ATG13: variants seen among roughly 807,000 people sequenced by gnomAD.
ATG13 encodes autophagy-related protein 13.
Under a neutral mutation model 65.5 loss-of-function variants are expected in ATG13, and 23 were observed. The observed-to-expected ratio is 0.35, with a 90% CI of 0.25 to 0.50. ATG13 has a LOEUF of 0.50. ATG13 is among the 20% of genes least tolerant of loss of function. The pLI is 0.98. For missense variants in ATG13, 566 were observed against 677.0 expected (o/e 0.84, Z 1.82); for synonymous variants, 252 against 245.2 (o/e 1.03, Z -0.26).
At chr11:46,620,501 C>T (rs1405408588) in intron 1 of ATG13, among the ~76,000 whole-genome samples, 2 of 151,826 alleles carry the variant, frequency 1.3e-5, no homozygotes, top group Admixed American at 1.3e-4. Flanking sequence ...TTGGGCTGGG[C>T]GCGGTTGCTC....
intron 2 of ATG13, among the ~76,000 whole-genome samples, chr11:46,642,304 G>GT (rs200225497): frequency 0.55 from 57,852 of 106,002 alleles, 17,009 homozygotes; most frequent in East Asian, 0.68. Flanking sequence ...ATTTTTGTGG[G>GT]TTTTTTTTTT....
intron 15 of ATG13, among the ~76,000 whole-genome samples, chr11:46,668,291 A>G (rs987887929): frequency 6.6e-6 from 1 of 152,226 alleles, no homozygotes; most frequent in Non-Finnish European, 1.5e-5. Context: ...TCAGGACCCC[A>G]ACCCTTGTTT....
Position 46,650,942 on chromosome 11 carries a change from G to A in ATG13, c.458+625G>A, listed in dbSNP as rs575753497. ...TTTGAAAAACAGTCTATACTGGGAA[G>A]ATTCCACAGTTTTCTGTATTCCAGG... On this transcript the variant is annotated intron_variant, in intron 7 of 18. Coordinates refer to ENST00000683050, the MANE Select transcript of ATG13 (RefSeq NM_001346311.2). Among the ~76,000 whole-genome samples, 12 of 152,292 alleles carry A rather than the reference G, an allele frequency of 7.9e-5. No individual in the cohort carries two copies. In the East Asian group the frequency reaches 2.3e-3, roughly 29 times the overall value.
chr11:46,620,979 G>A (rs1162394632), intron 1 of ATG13: 1 of 152,036 alleles, frequency 6.6e-6, no homozygotes, highest in Non-Finnish European at 1.5e-5. Flanking sequence ...ACATGTGAAA[G>A]AAATAGTAAA....
chr11:46,654,253 C>A (rs2059540514), intron 7 of ATG13, among the ~76,000 whole-genome samples: 1 of 137,832 alleles, frequency 7.3e-6, no homozygotes, highest in African/African-American at 2.8e-5. Flanking sequence ...GGTCACATGG[C>A]AAGACCTCAT....
chr11:46,664,889 G>A lies in ATG13; in HGVS notation c.929G>A (p.Gly310Asp), dbSNP rs2061967763. The A allele has an allele frequency of 3.7e-6, 6 of 1,613,994 alleles. No individual in the cohort carries two copies. The highest frequency in any genetic ancestry group is 2.2e-5 in the East Asian group (1 of 44,884). Residue 310 changes from glycine (G) to aspartate (D), a missense_variant, in exon 13 of 19, where the codon GGC becomes GAC. Physicochemically the swap from Gly to Asp is moderately conservative, Grantham distance 94. Coordinates refer to ENST00000683050, the MANE Select transcript of ATG13 (RefSeq NM_001346311.2). ...SRLSYQPAAL[G>D]VGSADLAYPV... Reference sequence around the variant, plus strand: ...CTTTCCTATCAGCCTGCTGCCCTGGGCGTTGGATCAGCTGACCTGGCTTAT... The same window carrying A: ...CTTTCCTATCAGCCTGCTGCCCTGGACGTTGGATCAGCTGACCTGGCTTAT...
At chr11:46,635,247 C>T (rs775922073) in intron 2 of ATG13, among the ~76,000 whole-genome samples, 2 of 152,026 alleles carry the variant, frequency 1.3e-5, no homozygotes, top group Admixed American at 6.6e-5. Context: ...CTCATGTGAT[C>T]CCCTGCCCTC....
At chr11:46,646,550 G>A (rs759982762) in intron 5 of ATG13, among the ~76,000 whole-genome samples, 8 of 151,606 alleles carry the variant, frequency 5.3e-5, no homozygotes, top group Admixed American at 2.6e-4. Context: ...TCCAGCCTCC[G>A]CTTCCTGGAT....
rs1169048238 is a variant in ATG13, at chr11:46,617,839, C to T, written c.-121C>T. ...AGGCGCGGCTGGTCGGTCCCAGGTC[C>T]CGGCCTCCGTAATGAGAGCCCGGAA... On this transcript the variant is annotated 5_prime_UTR_variant, in exon 1 of 19. Coordinates refer to ENST00000683050, the MANE Select transcript of ATG13 (RefSeq NM_001346311.2). 1.0e-5 allele frequency: 4 copies of T among 399,112 alleles called. No individual in the cohort carries two copies. The highest frequency in any genetic ancestry group is 1.8e-5 in the Non-Finnish European group (4 of 226,204). 24.7% of individuals were successfully genotyped at this position (399,112 alleles called of 1,614,324 possible). A position where few individuals can be genotyped will look rare whatever the true frequency, so the allele number is the denominator to read the frequency against.
intron 7 of ATG13, among the ~76,000 whole-genome samples, chr11:46,654,553 T>C (rs1414760940): frequency 6.6e-6 from 1 of 151,370 alleles, no homozygotes; most frequent in Admixed American, 6.6e-5. Flanking sequence ...AGACCCTGTC[T>C]ATACTAGAAA....
At chr11:46,668,375 A>AG in intron 15 of ATG13, 124 bp from the exon 16 acceptor site, 1 of 935,222 alleles carries the variant, frequency 1.1e-6, no homozygotes, top group South Asian at 1.5e-5. Context: ...CAGGAGCCTA[A>AG]GGGGCAGCAT....
chr11:46,635,543 G>A (rs2053653276), intron 2 of ATG13, among the ~76,000 whole-genome samples: 1 of 152,060 alleles, frequency 6.6e-6, no homozygotes, highest in South Asian at 2.1e-4. Flanking sequence ...GCAAAGGGCA[G>A]AAAAAAGGAA....
At chr11:46,640,015 AT>A (rs1247321565) in intron 2 of ATG13, among the ~76,000 whole-genome samples, 2 of 149,812 alleles carry the variant, frequency 1.3e-5, no homozygotes, top group African/African-American at 2.5e-5. Flanking sequence ...TAATTTTTAT[AT>A]TTTTTTTTCC....
At chr11:46,628,114 A>G (rs1407107115) in intron 1 of ATG13, among the ~76,000 whole-genome samples, 1 of 151,534 alleles carries the variant, frequency 6.6e-6, no homozygotes, top group Non-Finnish European at 1.5e-5. Flanking sequence ...CAGGAAAAAA[A>G]GCATTTTGGC....
intron 2 of ATG13, chr11:46,632,239 TAATC>T (rs1394783756): frequency 1.3e-5 from 2 of 152,210 alleles, no homozygotes; most frequent in African/African-American, 2.4e-5. Flanking sequence ...ATGATAAATT[TAATC>T]AATTATTCAT....
intron 2 of ATG13, among the ~76,000 whole-genome samples, chr11:46,636,351 A>T (rs542798781): frequency 3.4e-4 from 51 of 152,010 alleles, no homozygotes; most frequent in African/African-American, 1.2e-3. Context: ...AGGTCAGGAG[A>T]TCGAGACCAT....
rs1034745583 is a variant in ATG13 at position 46,623,095 on chromosome 11, G to A, written c.-70+5205G>A. ...GGATCACGAGGTCGGGAGACCATCCGGGCTAACACGGTGAAACCCTGTCTC... is the reference window on the plus strand; with the variant it reads ...GGATCACGAGGTCGGGAGACCATCCAGGCTAACACGGTGAAACCCTGTCTC... On this transcript the variant is annotated intron_variant, in intron 1 of 18. Coordinates refer to ENST00000683050, the MANE Select transcript of ATG13 (RefSeq NM_001346311.2). 1.8e-4 allele frequency among the ~76,000 whole-genome samples: 28 copies of A among 152,058 alleles called. No individual in the cohort carries two copies. The East Asian group carries it at 3.7e-3, about 20-fold the overall frequency.
chr11:46,641,555 A>G (rs2056029101), intron 2 of ATG13, among the ~76,000 whole-genome samples: 1 of 152,216 alleles, frequency 6.6e-6, no homozygotes, highest in Admixed American at 6.5e-5. Context: ...AAAACAACCC[A>G]AACTAATCTG....
chr11:46,636,557 CA>C (rs374517009), intron 2 of ATG13, among the ~76,000 whole-genome samples: 1,275 of 47,282 alleles, frequency 0.027, 2 homozygotes, highest in African/African-American at 0.093. Context: ...GACTCCGTCT[CA>C]AAAAAAAAAA....
Sources: allele counts gnomAD v4.1 joint callset (sites outside exome capture counted in the v4.1 genomes callset), GRCh38; gene constraint gnomAD v4.1.1; transcripts MANE v1.5; gene names NCBI Gene and HGNC (gene_info 2026-07-23, HGNC 2026-07-21).